Variants in ALG6 observed in about 807,000 individuals in gnomAD.
ALG6 encodes ALG6 alpha-1,3-glucosyltransferase, also known as dolichyl pyrophosphate Man9GlcNAc2 alpha-1,3-glucosyltransferase.
A neutral mutation model predicts 66.6 loss-of-function variants in ALG6; 46 were observed. The ratio of observed to expected loss-of-function variants is 0.69; its 90% CI spans 0.55 to 0.88. ALG6 has a LOEUF of 0.88. Among genes scored for constraint, ALG6 ranks in the 40% least tolerant of loss-of-function variants. ALG6 has a pLI of 0.00. For synonymous variants in ALG6, 185 were observed against 203.7 expected (o/e 0.91, Z 0.78); for missense variants, 505 against 586.8 (o/e 0.86, Z 1.44).
At chr1:63,401,633 C>T (rs945790941) in intron 3 of ALG6, among the ~76,000 whole-genome samples, 4 of 150,316 alleles carry the variant, frequency 2.7e-5, no homozygotes, top group Non-Finnish European at 4.4e-5. Flanking sequence ...GCCGAGATTG[C>T]GCCACTGCAC....
Position 63,406,336 on chromosome 1 carries a change from G to C in ALG6, c.366G>C (p.Leu122=), listed in dbSNP as rs1368717618. The C allele has an allele frequency of 6.2e-7, 1 of 1,613,136 alleles. No homozygotes were observed. The highest frequency in any genetic ancestry group is 1.7e-5 in the Admixed American group (1 of 59,974). ...TTTCAGTTTTAATTGCTGATCTGCT[G>C]ATTTACATACCTGCAGTGGTTTTGT... ...MRTTVLIADL[L]IYIPAVVLYC... is the part of the protein sequence containing the mutation. The change falls in exon 6 of 15, where the codon CTG becomes CTC. Residue 122 remains leucine (L), a synonymous_variant. Transcript: ENST00000263440.
rs547330336 is a variant in ALG6 at position 63,400,108 on chromosome 1, C to T, written c.168-2146C>T. On this transcript the variant is annotated intron_variant, in intron 3 of 14. Transcript: ENST00000263440. ...ACTCAGGAGGCTGAGGCAGGAGAAT[C>T]GCTTGAACCTGGGAGGCGGAGGTTG... is the stretch of plus-strand genomic sequence containing the variant. Among the ~76,000 whole-genome samples the T allele has an allele frequency of 1.4e-4, 21 of 146,742 alleles. No individual in the cohort carries two copies. The East Asian group carries it at 3.2e-3, about 22-fold the overall frequency.
rs372314754 is a variant in ALG6 at position 63,368,467 on chromosome 1, T to G, written c.-208+780T>G. On this transcript the variant is annotated intron_variant, in intron 1 of 14. Transcript: ENST00000263440. ...GGAGGATCCCTGCTCACAGGGAGCC[T>G]TTAGTCAACACATCCAAGTAATTTC... Among the ~76,000 whole-genome samples the G allele has an allele frequency of 4.3e-4, 65 of 152,146 alleles. No individual in the cohort carries two copies. The South Asian group carries it at 4.6e-3, about 11-fold the overall frequency.
At chr1:63,414,239 G>A in intron 10 of ALG6, 93 bp downstream of exon 10, 1 of 954,420 alleles carries the variant, frequency 1.0e-6, no homozygotes, top group Non-Finnish European at 1.6e-6. Flanking sequence ...ATTAGGGAAT[G>A]AGGTGTTTTT....
At chr1:63,394,720 T>A (rs1009069159) in intron 2 of ALG6, among the ~76,000 whole-genome samples, 1 of 152,100 alleles carries the variant, frequency 6.6e-6, no homozygotes, top group African/African-American at 2.4e-5. Flanking sequence ...AACCAACTTA[T>A]GAGGCATTAC....
intron 2 of ALG6, among the ~76,000 whole-genome samples, chr1:63,378,716 G>A (rs533234719): frequency 6.6e-6 from 1 of 151,980 alleles, no homozygotes; most frequent in East Asian, 1.9e-4. Flanking sequence ...TACAACTCTT[G>A]TTAGATGTAT....
At chr1:63,379,883 G>T (rs565833692) in intron 2 of ALG6, among the ~76,000 whole-genome samples, 1 of 151,328 alleles carries the variant, frequency 6.6e-6, no homozygotes, top group South Asian at 2.1e-4. Flanking sequence ...GCTGGAAACC[G>T]AAGTGCCATC....
At chr1:63,412,738 A>G (rs1389826319) in intron 9 of ALG6, among the ~76,000 whole-genome samples, 4 of 152,236 alleles carry the variant, frequency 2.6e-5, no homozygotes, top group Admixed American at 2.0e-4. Flanking sequence ...TTATTATGTG[A>G]ATAATTTGAT....
intron 12 of ALG6, among the ~76,000 whole-genome samples, chr1:63,421,893 A>G (rs1644575534): frequency 6.6e-6 from 1 of 151,108 alleles, no homozygotes; most frequent in Non-Finnish European, 1.5e-5. Flanking sequence ...GGGGAGGGAT[A>G]GCATTAGGGA....
chr1:63,407,527 A>G (rs1472955582), intron 7 of ALG6, among the ~76,000 whole-genome samples: 1 of 152,106 alleles, frequency 6.6e-6, no homozygotes. Context: ...TTTCTATCAG[A>G]TAGTAGTAGC....
intron 11 of ALG6, among the ~76,000 whole-genome samples, chr1:63,418,908 T>A (rs978199552): frequency 1.3e-5 from 2 of 152,014 alleles, no homozygotes; most frequent in Non-Finnish European, 2.9e-5. Flanking sequence ...AATAGATAAT[T>A]TTTTTTAAAC....
chr1:63,397,079 A>C (rs750593240), intron 3 of ALG6, among the ~76,000 whole-genome samples: 6 of 152,038 alleles, frequency 3.9e-5, no homozygotes, highest in Non-Finnish European at 8.8e-5. Context: ...GAAATTTCGC[A>C]TGTGTCCTTT....
At position 63,396,587 on chromosome 1, in the gene ALG6, G is replaced by A. The variant is rs1345624029; in HGVS notation, c.157G>A (p.Val53Ile). 1 of 1,612,676 alleles carries A rather than the reference G, an allele frequency of 6.2e-7. No homozygotes were observed. Among genetic ancestry groups the A allele is most frequent in the Admixed American group, 1.7e-5 (1 of 60,018 alleles). Residue 53 changes from valine (V) to isoleucine (I), a missense_variant, in exon 3 of 15, where the codon GTC (valine) becomes ATC (isoleucine). Val to Ile is a conservative substitution (Grantham distance 29). Coordinates refer to ENST00000263440, the MANE Select transcript of ALG6 (RefSeq NM_013339.4). ...HWQEITFNLP[V>I]KQWYFNSSDN... ...GCAAGAAATAACTTTTAATTTACCG[G>A]TCAAACAATGGTATGATAATTTTAA... is the stretch of plus-strand genomic sequence containing the variant.
chr1:63,408,264 G>A (rs994216175), intron 7 of ALG6, among the ~76,000 whole-genome samples: 5 of 152,216 alleles, frequency 3.3e-5, no homozygotes, highest in Non-Finnish European at 7.4e-5. Context: ...AGCATAGTAA[G>A]TATTCTTTTG....
intron 5 of ALG6, 94 bp downstream of exon 5, chr1:63,404,635 A>G (rs1341852370): frequency 4.0e-6 from 4 of 1,002,004 alleles, no homozygotes; most frequent in Non-Finnish European, 6.3e-6. Flanking sequence ...ACTGACTTTA[A>G]AATTGTGCAA....
intron 2 of ALG6, among the ~76,000 whole-genome samples, chr1:63,386,270 G>GTT (rs111553352): frequency 4.0e-5 from 6 of 151,092 alleles, no homozygotes; most frequent in African/African-American, 1.5e-4. Flanking sequence ...TTGGCTTGTA[G>GTT]TTTTTTTTTC....
chr1:63,373,865 T>G (rs1648022290), intron 2 of ALG6, among the ~76,000 whole-genome samples: 2 of 151,590 alleles, frequency 1.3e-5, no homozygotes, highest in African/African-American at 4.8e-5. Flanking sequence ...CGAGCAATAC[T>G]CCTGCCTCAG....
chr1:63,423,894 C>G (rs1644601069), intron 12 of ALG6, among the ~76,000 whole-genome samples: 1 of 152,176 alleles, frequency 6.6e-6, no homozygotes, highest in Non-Finnish European at 1.5e-5. Flanking sequence ...AACCACCAGA[C>G]TTTTCCATAG....
In ALG6 at chr1:63,378,503, T is replaced by A. The variant is rs189122022; in HGVS notation, c.82+7444T>A. On this transcript the variant is annotated intron_variant, in intron 2 of 14. Transcript: ENST00000263440. ...GAAACTTTTCAGCTACTGTGTCTTC[T>A]TATTTTTCTTCCTTTTAGAACTCTG... Among the ~76,000 whole-genome samples the A allele has an allele frequency of 4.6e-3, 694 of 152,306 alleles. 4 individuals are homozygous for A. Among genetic ancestry groups the A allele is most frequent in the African/African-American group, 0.016 (664 of 41,566 alleles).
Sources: gnomAD v4.1 joint callset for allele counts (sites outside exome capture counted in the v4.1 genomes callset) on GRCh38, gnomAD v4.1.1 for gene constraint, MANE v1.5 for transcripts, NCBI Gene and HGNC (gene_info 2026-07-23, HGNC 2026-07-21) for gene names.